ZNF704: variants seen among roughly 807,000 people sequenced by gnomAD.
ZNF704 encodes zinc finger protein 704.
Under a neutral mutation model 44.7 loss-of-function variants are expected in ZNF704, and 10 were observed. The observed-to-expected ratio is 0.22, with a 90% confidence interval of 0.14 to 0.38. The LOEUF (loss-of-function observed/expected upper bound fraction) is 0.38, where lower values mean the gene tolerates loss of function less well. ZNF704 is among the 10% of genes least tolerant of loss of function. ZNF704 has a pLI of 1.00. For synonymous variants in ZNF704, 211 were observed against 207.6 expected, an observed-to-expected ratio of 1.02 and a Z score of -0.14; for missense variants, 390 against 545.5, an observed-to-expected ratio of 0.71 and a Z score of 2.84.
chr8:80,838,798 C>A (rs531730453), intron 1 of ZNF704, among the ~76,000 whole-genome samples: 1 of 146,186 alleles, frequency 6.8e-6, no homozygotes, highest in Non-Finnish European at 1.5e-5. Flanking sequence ...AGGGAGCAGA[C>A]CCTGGAGGAG....
At chr8:80,814,682 G>T (rs866212668) in intron 2 of ZNF704, among the ~76,000 whole-genome samples, 2 of 152,106 alleles carry the variant, frequency 1.3e-5, no homozygotes, top group South Asian at 4.2e-4. Flanking sequence ...TTTTTAAAAA[G>T]AAATGTTCTA....
intron 2 of ZNF704, among the ~76,000 whole-genome samples, chr8:80,724,223 G>A (rs917966168): frequency 1.3e-5 from 2 of 152,290 alleles, no homozygotes; most frequent in African/African-American, 4.8e-5. Context: ...GATGAAATAT[G>A]TAGGAGGTAG....
At chr8:80,822,247 T>C (rs1322542098) in intron 1 of ZNF704, among the ~76,000 whole-genome samples, 2 of 151,902 alleles carry the variant, frequency 1.3e-5, no homozygotes, top group East Asian at 3.8e-4. Context: ...ATTAGGTATA[T>C]CTCCTAATGC....
At chr8:80,728,488 G>T (rs1806522303) in intron 2 of ZNF704, among the ~76,000 whole-genome samples, 2 of 152,192 alleles carry the variant, frequency 1.3e-5, no homozygotes, top group South Asian at 4.1e-4. Flanking sequence ...TTTTGTAAAG[G>T]AGGTGGGGGA....
At chr8:80,665,526 G>A (rs773482680) in intron 5 of ZNF704, among the ~76,000 whole-genome samples, 15 of 151,408 alleles carry the variant, frequency 9.9e-5, no homozygotes, top group African/African-American at 2.7e-4. Context: ...ACTTCGAAAC[G>A]GGGAGGGTGG....
chr8:80,672,548 G>A (rs2131617187), intron 4 of ZNF704, among the ~76,000 whole-genome samples: 1 of 152,232 alleles, frequency 6.6e-6, no homozygotes, highest in African/African-American at 2.4e-5. Flanking sequence ...AATAAAATGT[G>A]TTACACATAC....
rs370707727 is a variant in ZNF704, at chr8:80,690,087, T to C, written c.326-2629A>G. The stretch of plus-strand genomic sequence containing the variant: ...AAAAAAAAAAAAGCCTTCATTATAA[T>C]AAATTGCTTCCCCTATTTAAGAATT... On this transcript the variant is annotated intron_variant, in intron 3 of 8. Coordinates refer to ENST00000327835, the MANE Select transcript of ZNF704 (RefSeq NM_001033723.3). Among the ~76,000 whole-genome samples the C allele has an allele frequency of 4.4e-4, 67 of 151,934 alleles. No individual in the cohort carries two copies. The East Asian group carries it at 0.011, about 26-fold the overall frequency.
At chr8:80,877,843 T>A (rs1406942207), upstream of ZNF704, among the ~76,000 whole-genome samples, 1 of 152,144 alleles carries the variant, frequency 6.6e-6, no homozygotes, top group Admixed American at 6.5e-5. Flanking sequence ...GCATTAAGTG[T>A]CTACATGAAA....
At chr8:80,760,486 T>A (rs2131718342) in intron 2 of ZNF704, among the ~76,000 whole-genome samples, 1 of 151,730 alleles carries the variant, frequency 6.6e-6, no homozygotes. Flanking sequence ...TGAAACCCTG[T>A]CTCTACTAAA....
chr8:80,810,200 A>G (rs1311872796), intron 2 of ZNF704, among the ~76,000 whole-genome samples: 1 of 152,206 alleles, frequency 6.6e-6, no homozygotes, highest in Non-Finnish European at 1.5e-5. Flanking sequence ...ATCTTACGGT[A>G]TCACCTGAAC....
chr8:80,691,057 CATG>C (rs1490102472), intron 3 of ZNF704, among the ~76,000 whole-genome samples: 9 of 151,662 alleles, frequency 5.9e-5, no homozygotes, highest in Non-Finnish European at 4.4e-5. Context: ...CTTGATGAAT[CATG>C]ATGTTGTTGG....
intron 2 of ZNF704, among the ~76,000 whole-genome samples, chr8:80,764,783 G>C (rs1174163134): frequency 6.6e-6 from 1 of 152,172 alleles, no homozygotes; most frequent in Admixed American, 6.5e-5. Flanking sequence ...ACCATTAAGA[G>C]AGCCTCGTAC....
intron 2 of ZNF704, among the ~76,000 whole-genome samples, chr8:80,789,551 T>A (rs1157575606): frequency 6.6e-6 from 1 of 152,100 alleles, no homozygotes; most frequent in African/African-American, 2.4e-5. Context: ...GTTTTGAGAC[T>A]AGCCTGAGCA....
chr8:80,719,065 C>T (rs531366889), intron 2 of ZNF704, among the ~76,000 whole-genome samples: 2 of 152,154 alleles, frequency 1.3e-5, no homozygotes, highest in East Asian at 1.9e-4. Context: ...CTCCCAGGCT[C>T]GATCAATTCT....
chr8:80,805,033 T>C (rs936498476), intron 2 of ZNF704, among the ~76,000 whole-genome samples: 1 of 152,154 alleles, frequency 6.6e-6, no homozygotes, highest in Non-Finnish European at 1.5e-5. Context: ...CCTTTTAGAA[T>C]GCTACTCAAA....
intron 2 of ZNF704, among the ~76,000 whole-genome samples, chr8:80,751,854 T>C (rs1806949629): frequency 6.6e-6 from 1 of 152,136 alleles, no homozygotes; most frequent in South Asian, 2.1e-4. Flanking sequence ...TTCAAGCGAT[T>C]CTCAGCCTCC....
intron 2 of ZNF704, among the ~76,000 whole-genome samples, chr8:80,806,555 C>T: frequency 6.6e-6 from 1 of 152,152 alleles, no homozygotes; most frequent in East Asian, 1.9e-4. Flanking sequence ...AAGCAACAAA[C>T]ATATTTGAAC....
chr8:80,861,573 G>A (rs903338650), intron 1 of ZNF704, among the ~76,000 whole-genome samples: 26 of 152,172 alleles, frequency 1.7e-4, no homozygotes, highest in African/African-American at 5.5e-4. Flanking sequence ...AGAGTTATAC[G>A]GTATGTGAAT....
intron 2 of ZNF704, among the ~76,000 whole-genome samples, chr8:80,728,680 G>T (rs1274438706): frequency 6.6e-6 from 1 of 152,114 alleles, no homozygotes; most frequent in Non-Finnish European, 1.5e-5. Context: ...TTGGGTCTGG[G>T]GTTTGCAGCC....
Sources: allele counts gnomAD v4.1 joint callset (sites outside exome capture counted in the v4.1 genomes callset), GRCh38; gene constraint gnomAD v4.1.1; transcripts MANE v1.5; gene names NCBI Gene and HGNC (gene_info 2026-07-23, HGNC 2026-07-21).